SMYD3: variants seen among roughly 807,000 people sequenced by gnomAD.
SMYD3 encodes the protein histone-lysine N-methyltransferase SMYD3.
Under a neutral mutation model 57.7 loss-of-function variants are expected in SMYD3, and 36 were observed. That is an observed-to-expected ratio of 0.62 (90% confidence interval 0.48 to 0.82). SMYD3 has a LOEUF of 0.82. Among genes scored for constraint, SMYD3 ranks in the 40% least tolerant of loss-of-function variants. SMYD3 has a pLI of 0.00. For synonymous variants in SMYD3, 211 were observed against 195.0 expected, an observed-to-expected ratio of 1.08 and a Z score of -0.68; for missense variants, 515 against 538.8, an observed-to-expected ratio of 0.96 and a Z score of 0.44.
chr1:245,826,030 T>TTTTTTTTTTTTTTGAG (rs1572449561), intron 10 of SMYD3, among the ~76,000 whole-genome samples: 1 of 138,330 alleles, frequency 7.2e-6, no homozygotes, highest in Non-Finnish European at 1.6e-5. Context: ...ATGTTGTATT[T>TTTTTTTTTTTTTTGAG]AATTAAATAT....
intron 8 of SMYD3, among the ~76,000 whole-genome samples, chr1:245,888,937 T>C (rs2053232437): frequency 6.6e-6 from 1 of 152,338 alleles, no homozygotes; most frequent in African/African-American, 2.4e-5. Flanking sequence ...CTGCATTACA[T>C]ACTCCCTGTA....
intron 5 of SMYD3, among the ~76,000 whole-genome samples, chr1:246,124,426 C>T (rs1368231178): frequency 2.0e-5 from 3 of 152,090 alleles, no homozygotes; most frequent in African/African-American, 7.2e-5. Context: ...AAGGTTTTAT[C>T]AACCAAATCA....
At chr1:245,754,849 T>C (rs2791368) in intron 11 of SMYD3, among the ~76,000 whole-genome samples, 43,144 of 152,034 alleles carry the variant, frequency 0.28, 6,674 homozygotes, top group East Asian at 0.48. Flanking sequence ...AGAATGTAAA[T>C]ACCAGATCAT....
intron 1 of SMYD3, among the ~76,000 whole-genome samples, chr1:246,393,425 GGA>G (rs1280546330): frequency 2.0e-5 from 3 of 151,980 alleles, no homozygotes; most frequent in Non-Finnish European, 4.4e-5. Flanking sequence ...TTTTCAAAAA[GGA>G]CTTCATCTAT....
rs553580835 is a variant in SMYD3 at position 246,499,285 on chromosome 1, C to A, written c.164+7769G>T. On this transcript the variant is annotated intron_variant, in intron 1 of 11. Coordinates refer to ENST00000490107, the MANE Select transcript of SMYD3 (RefSeq NM_001167740.2). ...TACCACTGCACTCCAGCCTGGGCAA[C>A]AAAGCGAGACTCTATCTCAAAAAAA... Among the ~76,000 whole-genome samples, 18 of 151,684 alleles carry A rather than the reference C, an allele frequency of 1.2e-4. No individual in the cohort carries two copies. The East Asian group carries it at 3.5e-3, about 29-fold the overall frequency.
intron 1 of SMYD3, among the ~76,000 whole-genome samples, chr1:246,426,701 A>C (rs2067223894): frequency 1.3e-5 from 2 of 152,196 alleles, no homozygotes; most frequent in Non-Finnish European, 2.9e-5. Context: ...TAATACTGCC[A>C]GTACAATGGT....
At chr1:246,499,614 T>A (rs1237498659) in intron 1 of SMYD3, among the ~76,000 whole-genome samples, 1 of 151,618 alleles carries the variant, frequency 6.6e-6, no homozygotes, top group Admixed American at 6.6e-5. Flanking sequence ...CACCACCACA[T>A]CTGGCTAATT....
intron 5 of SMYD3, among the ~76,000 whole-genome samples, chr1:246,165,530 G>A (rs546338036): frequency 1.2e-4 from 19 of 152,120 alleles, no homozygotes; most frequent in Non-Finnish European, 2.2e-4. Context: ...GAAAGAGGGA[G>A]GTTTGCTGAT....
At chr1:246,500,515 G>A (rs1025321107) in intron 1 of SMYD3, among the ~76,000 whole-genome samples, 7 of 152,166 alleles carry the variant, frequency 4.6e-5, no homozygotes, top group Admixed American at 1.3e-4. Flanking sequence ...ACTCCTCCAT[G>A]ACAAAAAGTT....
intron 5 of SMYD3, among the ~76,000 whole-genome samples, chr1:246,176,314 C>G (rs1158421898): frequency 1.3e-5 from 2 of 152,214 alleles, no homozygotes; most frequent in Non-Finnish European, 2.9e-5. Flanking sequence ...CCATTCACCA[C>G]TGTCCGGCTC....
At chr1:245,872,843 T>C (rs922293630) in intron 8 of SMYD3, among the ~76,000 whole-genome samples, 1 of 152,232 alleles carries the variant, frequency 6.6e-6, no homozygotes, top group African/African-American at 2.4e-5. Context: ...ATTCCCTTCA[T>C]AGCTTCTGGG....
chr1:245,786,218 G>GGT (rs1553321389), intron 10 of SMYD3, among the ~76,000 whole-genome samples: 2 of 147,576 alleles, frequency 1.4e-5, no homozygotes, highest in African/African-American at 5.1e-5. Context: ...GTGGACGGGG[G>GGT]GGGGATGGTG....
At chr1:246,418,957 T>C (rs774098161) in intron 1 of SMYD3, among the ~76,000 whole-genome samples, 10 of 152,148 alleles carry the variant, frequency 6.6e-5, no homozygotes, top group African/African-American at 9.7e-5. Context: ...ACCGATGACA[T>C]TGCACCATTG....
At chr1:245,859,002 G>A (rs2051397227) in intron 9 of SMYD3, among the ~76,000 whole-genome samples, 1 of 152,102 alleles carries the variant, frequency 6.6e-6, no homozygotes, top group Non-Finnish European at 1.5e-5. Flanking sequence ...TTATTAAATT[G>A]GACTAAAGAT....
chr1:246,205,005 T>C (rs2062976371), intron 5 of SMYD3, among the ~76,000 whole-genome samples: 1 of 152,196 alleles, frequency 6.6e-6, no homozygotes, highest in Non-Finnish European at 1.5e-5. Flanking sequence ...GAGATACCAG[T>C]GTGCTGCTCT....
chr1:246,221,029 T>C (rs2063246364), intron 5 of SMYD3, among the ~76,000 whole-genome samples: 1 of 151,950 alleles, frequency 6.6e-6, no homozygotes, highest in Non-Finnish European at 1.5e-5. Context: ...GGAGCTACCC[T>C]CTCTGCCTAG....
chr1:245,983,954 C>T (rs1410867418), intron 5 of SMYD3, among the ~76,000 whole-genome samples: 1 of 151,342 alleles, frequency 6.6e-6, no homozygotes, highest in Non-Finnish European at 1.5e-5. Context: ...ATTTCCAAAA[C>T]CTTAAATGTG....
chr1:246,114,792 C>T (rs929685130), intron 5 of SMYD3, among the ~76,000 whole-genome samples: 7 of 152,054 alleles, frequency 4.6e-5, no homozygotes, highest in African/African-American at 1.4e-4. Context: ...CCACCACGCC[C>T]GGCTCATTTT....
At chr1:246,285,547 A>T (rs1188374482) in intron 5 of SMYD3, among the ~76,000 whole-genome samples, 1 of 152,208 alleles carries the variant, frequency 6.6e-6, no homozygotes, top group African/African-American at 2.4e-5. Flanking sequence ...GCTACAAAAA[A>T]AAAAATTGGA....
Sources: allele counts gnomAD v4.1 joint callset (sites outside exome capture counted in the v4.1 genomes callset), GRCh38; gene constraint gnomAD v4.1.1; transcripts MANE v1.5; gene names NCBI Gene and HGNC (gene_info 2026-07-23, HGNC 2026-07-21).